DNMBP: variants seen among roughly 807,000 people sequenced by gnomAD.
The protein encoded by DNMBP is dynamin binding protein.
Under a neutral mutation model 150.0 loss-of-function variants are expected in DNMBP, and 87 were observed. The ratio of observed to expected loss-of-function variants is 0.58; its 90% CI spans 0.49 to 0.69. DNMBP has a LOEUF of 0.69. Ranked by LOEUF, DNMBP falls within the 30% of genes least tolerant of loss-of-function variation. The probability of loss-of-function intolerance (pLI) is 0.00; values close to 1 mark genes in which losing one functional copy is unlikely to be tolerated. For synonymous variants in DNMBP, 711 were observed against 750.4 expected (o/e 0.95, Z 0.86); for missense variants, 1,774 against 1,949.0 (o/e 0.91, Z 1.69).
rs1307797223 is a variant in DNMBP at position 99,955,674 on chromosome 10, C to G, written c.1800G>C (p.Glu600Asp). Residue 600 changes from glutamate (E) to aspartate (D), a missense_variant, in exon 4 of 17, where the codon GAG becomes GAC. By Grantham distance (45) the Glu-to-Asp change is conservative. This residue lies in a region of DNMBP where 1,430 missense variants were observed against 1,492.5 expected (regional missense o/e 0.96). Transcript: ENST00000324109. ...RGSSKLITEQELPERRKALRP... is the reference protein window; with the variant it reads ...RGSSKLITEQDLPERRKALRP... ...TTAGGGCCTTTCTCCTTTCCGGCAG[C>G]TCCTGCTCGGTGATTAACTTTGAGG... 1.2e-6 allele frequency: 2 copies of G among 1,614,176 alleles called. No homozygotes were observed. The highest frequency in any genetic ancestry group is 1.7e-6 in the Non-Finnish European group (2 of 1,180,048).
intron 1 of DNMBP, among the ~76,000 whole-genome samples, chr10:99,986,412 CTTCACAAAAGCAAGGGAGAAT>C (rs943995709): frequency 9.9e-5 from 15 of 151,920 alleles, no homozygotes; most frequent in Admixed American, 7.2e-4. Flanking sequence ...GACGGCTGCC[CTTCACAAAAGCAAGGGAGAAT>C]TTATTTGGTG....
At chr10:99,901,996 G>T (rs2039747512) in intron 6 of DNMBP, among the ~76,000 whole-genome samples, 1 of 151,882 alleles carries the variant, frequency 6.6e-6, no homozygotes, top group African/African-American at 2.4e-5. Context: ...GCCACCTCCT[G>T]GGCTCAAGTG....
chr10:99,883,444 G>T (rs569767233), intron 15 of DNMBP, among the ~76,000 whole-genome samples: 2 of 151,580 alleles, frequency 1.3e-5, no homozygotes, highest in African/African-American at 4.8e-5. Flanking sequence ...CAGGAGGACG[G>T]CTTGAGCCTA....
intron 4 of DNMBP, among the ~76,000 whole-genome samples, chr10:99,945,805 G>T (rs538721734): frequency 6.6e-6 from 1 of 152,234 alleles, no homozygotes; most frequent in African/African-American, 2.4e-5. Flanking sequence ...ACAAAATCAG[G>T]AACATATCTA....
At chr10:99,889,908 T>C (rs1049267889) in intron 11 of DNMBP, among the ~76,000 whole-genome samples, 3 of 151,376 alleles carry the variant, frequency 2.0e-5, no homozygotes, top group East Asian at 2.0e-4. Context: ...AATGACCAGT[T>C]ACCTCTCCTT....
At chr10:100,009,091 T>G (rs2041106423) in intron 1 of DNMBP, among the ~76,000 whole-genome samples, 1 of 152,354 alleles carries the variant, frequency 6.6e-6, no homozygotes, top group Middle Eastern at 3.4e-3. Flanking sequence ...GCCAAAAATA[T>G]TCACCCTTCA....
intron 11 of DNMBP, among the ~76,000 whole-genome samples, chr10:99,893,291 A>G (rs2039600495): frequency 6.6e-6 from 1 of 152,220 alleles, no homozygotes; most frequent in Non-Finnish European, 1.5e-5. Flanking sequence ...ACAGACTCAC[A>G]TAGATCAGAA....
chr10:99,903,925 T>A (rs1356218332), intron 6 of DNMBP, among the ~76,000 whole-genome samples: 1 of 152,104 alleles, frequency 6.6e-6, no homozygotes, highest in African/African-American at 2.4e-5. Context: ...GAATGGATTT[T>A]TTTTTTTTTT....
chr10:99,902,876 A>G (rs1428921517), intron 6 of DNMBP, among the ~76,000 whole-genome samples: 2 of 151,470 alleles, frequency 1.3e-5, no homozygotes, highest in African/African-American at 4.8e-5. Context: ...TGTAGTGAGC[A>G]GAGGTCGTGC....
intron 9 of DNMBP, among the ~76,000 whole-genome samples, chr10:99,896,863 C>T (rs942043536): frequency 4.6e-5 from 7 of 152,182 alleles, no homozygotes; most frequent in African/African-American, 1.7e-4. Context: ...AAACATTAGG[C>T]ACAACCTACA....
chr10:99,896,901 G>C (rs1395547056), intron 9 of DNMBP, among the ~76,000 whole-genome samples: 1 of 152,170 alleles, frequency 6.6e-6, no homozygotes, highest in Non-Finnish European at 1.5e-5. Flanking sequence ...AAGTAGAAGG[G>C]TGGCAAGGGG....
In DNMBP at chr10:99,895,015, G is replaced by GT; in HGVS notation, c.3086dup (p.Asn1029LysfsTer10). On this transcript the variant is annotated frameshift_variant, in exon 11 of 17. Coordinates refer to ENST00000324109, the MANE Select transcript of DNMBP (RefSeq NM_015221.4). LOFTEE classifies it high-confidence loss of function. The stretch of plus-strand genomic sequence containing the variant: ...TAATCAATCTTTCTTGCATTCGGAA[G>GT]TTTTTTTCTGTTTCTTCAAATACTT... 2 of 1,609,724 alleles carry GT rather than the reference G, an allele frequency of 1.2e-6. No homozygotes were observed. The highest frequency in any genetic ancestry group is 2.2e-5 in the South Asian group (2 of 90,888).
intron 14 of DNMBP, 147 bp downstream of exon 14, chr10:99,885,540 G>T: frequency 2.6e-6 from 2 of 761,140 alleles, no homozygotes; most frequent in Non-Finnish European, 4.0e-6. Flanking sequence ...GAATGCATGA[G>T]CCCATGATGG....
intron 3 of DNMBP, among the ~76,000 whole-genome samples, chr10:99,962,413 C>G (rs562884276): frequency 6.6e-6 from 1 of 152,128 alleles, no homozygotes. Flanking sequence ...AGGGGGATCA[C>G]GAGGTCAGGA....
chr10:99,895,162 T>G, intron 10 of DNMBP, 112 bp from the exon 11 acceptor site: 2 of 633,376 alleles, frequency 3.2e-6, no homozygotes, highest in Admixed American at 5.8e-5. Flanking sequence ...GTTTTGCTCT[T>G]GTCGTCCAGG....
At chr10:99,996,696 A>C (rs12266302) in intron 1 of DNMBP, among the ~76,000 whole-genome samples, 7,825 of 152,264 alleles carry the variant, frequency 0.051, 225 homozygotes, top group African/African-American at 0.078. Context: ...TTTAGTCTTG[A>C]CTTATTAACC....
intron 15 of DNMBP, among the ~76,000 whole-genome samples, chr10:99,883,689 T>G (rs1022407048): frequency 6.1e-5 from 9 of 146,566 alleles, no homozygotes; most frequent in African/African-American, 1.0e-4. Context: ...GGGCAGCTTA[T>G]TTTGTGGCAT....
At chr10:99,977,113 C>T (rs2040736093) in intron 1 of DNMBP, among the ~76,000 whole-genome samples, 1 of 152,122 alleles carries the variant, frequency 6.6e-6, no homozygotes. Context: ...GAATCTGGCT[C>T]AATAAATACT....
intron 11 of DNMBP, chr10:99,889,519 A>G (rs2039524670): frequency 6.6e-6 from 1 of 152,272 alleles, no homozygotes; most frequent in East Asian, 1.9e-4. Context: ...CCACCCTCCT[A>G]GTAAAAATGC....
Sources: gnomAD v4.1 joint callset for allele counts (sites outside exome capture counted in the v4.1 genomes callset) on GRCh38, gnomAD v4.1.1 for gene constraint, gnomAD v4.1.1 regional missense constraint, MANE v1.5 for transcripts, NCBI Gene and HGNC (gene_info 2026-07-23, HGNC 2026-07-21) for gene names.